The following GARIN2 variants were observed in gnomAD, a reference collection of about 807,000 sequenced individuals.
GARIN2 encodes the protein golgi associated RAB2 interactor family member 2.
At chr14:67,208,324 A>T in the GARIN2 span, 1 of 1,614,000 alleles carries the variant, frequency 6.2e-7, no homozygotes, top group Non-Finnish European at 8.5e-7. Flanking sequence ...AAGGTAAAAG[A>T]TATTTTCAAA....
the GARIN2 span, chr14:67,199,714 C>T: frequency 3.8e-6 from 6 of 1,583,228 alleles, no homozygotes; most frequent in Non-Finnish European, 5.2e-6. Flanking sequence ...CTCCTTCACC[C>T]TCTGCCCCCA....
the GARIN2 span, among the ~76,000 whole-genome samples, chr14:67,223,062 C>T: frequency 6.9e-6 from 1 of 145,364 alleles, no homozygotes; most frequent in Non-Finnish European, 1.5e-5. Flanking sequence ...TGCAGTGGCA[C>T]AATCTTGGCT....
At chr14:67,212,346 C>G in the GARIN2 span, among the ~76,000 whole-genome samples, 1 of 151,878 alleles carries the variant, frequency 6.6e-6, no homozygotes, top group African/African-American at 2.4e-5. Flanking sequence ...GTGTCTCACA[C>G]CTGTAATCCC....
the GARIN2 span, among the ~76,000 whole-genome samples, chr14:67,212,615 G>GTATTACATATATATA: frequency 7.4e-6 from 1 of 136,036 alleles, no homozygotes; most frequent in Admixed American, 7.6e-5. Context: ...ATATATATAT[G>GTATTACATATATATA]TAATATATAT....
chr14:67,212,624 A>C, the GARIN2 span, among the ~76,000 whole-genome samples: 4 of 145,628 alleles, frequency 2.7e-5, no homozygotes, highest in African/African-American at 5.0e-5. Flanking sequence ...TGTAATATAT[A>C]TTATATATAA....
chr14:67,192,435 G>C, the GARIN2 span, among the ~76,000 whole-genome samples: 8 of 151,890 alleles, frequency 5.3e-5, no homozygotes, highest in African/African-American at 1.9e-4. Flanking sequence ...AGTCACCAAA[G>C]TTAATTATGA....
the GARIN2 span, among the ~76,000 whole-genome samples, chr14:67,203,694 A>T: frequency 6.6e-6 from 1 of 152,116 alleles, no homozygotes. Flanking sequence ...ACGCTTTCTC[A>T]TGGTAAATAA....
the GARIN2 span, chr14:67,199,659 C>T: frequency 5.7e-6 from 9 of 1,578,780 alleles, no homozygotes; most frequent in East Asian, 2.2e-5. Context: ...GCTCAGAACC[C>T]GCTCTCCCAG....
chr14:67,222,333 C>T, the GARIN2 span, among the ~76,000 whole-genome samples: 18 of 152,284 alleles, frequency 1.2e-4, no homozygotes, highest in Middle Eastern at 3.4e-3. Flanking sequence ...CTCTGTTGCC[C>T]AGGCTGATGT....
chr14:67,204,587 T>C, the GARIN2 span: 10 of 1,613,604 alleles, frequency 6.2e-6, no homozygotes, highest in East Asian at 1.8e-4. Flanking sequence ...GCGGAGAACA[T>C]GAGCCTGAAA....
At chr14:67,198,278 C>A in the GARIN2 span, 1 of 1,613,750 alleles carries the variant, frequency 6.2e-7, no homozygotes, top group South Asian at 1.1e-5. Context: ...GAGAGTATGC[C>A]CCTTTTGTAT....
At chr14:67,201,560 C>G in the GARIN2 span, 1 of 455,410 alleles carries the variant, frequency 2.2e-6, no homozygotes, top group Non-Finnish European at 4.4e-6. Flanking sequence ...TGGAGGATAC[C>G]TCCTGTATGT....
the GARIN2 span, chr14:67,196,668 C>G: frequency 1.3e-5 from 2 of 152,188 alleles, no homozygotes; most frequent in Non-Finnish European, 2.9e-5. Context: ...CCTCATTGGC[C>G]ATAGGAGCTC....
At chr14:67,215,302 G>T in the GARIN2 span, among the ~76,000 whole-genome samples, 19 of 152,074 alleles carry the variant, frequency 1.2e-4, 1 homozygote, top group Admixed American at 1.2e-3. Context: ...GATAAAAAAT[G>T]GTTCAATGTG....
the GARIN2 span, chr14:67,225,385 A>G: frequency 1.7e-6 from 1 of 591,240 alleles, no homozygotes; most frequent in Non-Finnish European, 2.6e-6. Context: ...TAGTAACAAT[A>G]TAAGTGGAAT....
chr14:67,194,947 C>A, the GARIN2 span, among the ~76,000 whole-genome samples: 1 of 152,114 alleles, frequency 6.6e-6, no homozygotes. Flanking sequence ...CGTGAGCCAC[C>A]GTGCCCCTCT....
chr14:67,209,985 A>G, the GARIN2 span, among the ~76,000 whole-genome samples: 1 of 152,138 alleles, frequency 6.6e-6, no homozygotes, highest in Admixed American at 6.5e-5. Flanking sequence ...CTCACTAATA[A>G]TTAAAGAAAT....
chr14:67,206,812 C>A, the GARIN2 span, among the ~76,000 whole-genome samples: 1 of 150,366 alleles, frequency 6.7e-6, no homozygotes, highest in African/African-American at 2.5e-5. Context: ...CTCACTGCAA[C>A]CTCCACCTCT....
the GARIN2 span, among the ~76,000 whole-genome samples, chr14:67,210,291 A>G: frequency 2.0e-4 from 30 of 152,168 alleles, no homozygotes; most frequent in African/African-American, 7.2e-4. Flanking sequence ...CAGAATTTCA[A>G]TGAAAAGAGC....
Sources: gnomAD v4.1 joint callset for allele counts (sites outside exome capture counted in the v4.1 genomes callset) on GRCh38, gnomAD v4.1.1 for gene constraint, MANE v1.5 for transcripts, NCBI Gene and HGNC (gene_info 2026-07-23, HGNC 2026-07-21) for gene names.